PCDH10: variants seen among roughly 807,000 people sequenced by gnomAD.
PCDH10 encodes the protein protocadherin-10.
Under a neutral mutation model 74.4 loss-of-function variants are expected in PCDH10, and 15 were observed. That is an observed-to-expected ratio of 0.20 (90% CI 0.13 to 0.31). The LOEUF (loss-of-function observed/expected upper bound fraction) is 0.31. Ranked by LOEUF, PCDH10 falls within the 10% of genes least tolerant of loss-of-function variation. The probability of loss-of-function intolerance (pLI) is 1.00; values close to 1 mark genes in which losing one functional copy is unlikely to be tolerated. For synonymous variants in PCDH10, 619 were observed against 589.8 expected (o/e 1.05, Z -0.72); for missense variants, 1,260 against 1,390.2 (o/e 0.91, Z 1.49).
At position 133,150,811 on chromosome 4, in the gene PCDH10, T is replaced by C. The variant is rs1726657002; in HGVS notation, c.671T>C (p.Leu224Pro). 4 of 1,581,496 alleles carry C rather than the reference T, an allele frequency of 2.5e-6. No homozygotes were observed. Among genetic ancestry groups the C allele is most frequent in the African/African-American group, 1.3e-5 (1 of 74,378 alleles). The change falls in exon 1 of 5, where the codon CTG (leucine) becomes CCG (proline). Residue 224 changes from leucine (L) to proline (P), a missense_variant. Coordinates refer to ENST00000264360, the MANE Select transcript of PCDH10 (RefSeq NM_032961.3). ...GGGGGAGGTGGCGGGGGAGCAGGCCTGCCCCCCCAGCAGCAGCGCACCGGC... is the reference window on the plus strand; with the variant it reads ...GGGGGAGGTGGCGGGGGAGCAGGCCCGCCCCCCCAGCAGCAGCGCACCGGC... ...EGGGGGGGAG[L>P]PPQQQRTGTA...
chr4:133,188,035 C>T (rs1247168776), intron 4 of PCDH10, among the ~76,000 whole-genome samples: 1 of 152,016 alleles, frequency 6.6e-6, no homozygotes, highest in Admixed American at 6.6e-5. Context: ...TCCTGAGTTT[C>T]TTTTGTTCTT....
At chr4:133,205,894 G>A (rs139480751) in intron 2 of PCDH10, among the ~76,000 whole-genome samples, 3 of 152,116 alleles carry the variant, frequency 2.0e-5, no homozygotes, top group South Asian at 4.1e-4. Context: ...ATTGATGACA[G>A]TTTATTTTTC....
chr4:133,207,728 A>C (rs1728037002), intron 2 of PCDH10, among the ~76,000 whole-genome samples: 1 of 152,192 alleles, frequency 6.6e-6, no homozygotes, highest in Non-Finnish European at 1.5e-5. Flanking sequence ...AAGACTGCAG[A>C]ATTTGTGTAG....
intron 2 of PCDH10, among the ~76,000 whole-genome samples, chr4:133,203,062 C>A (rs1038909372): frequency 6.6e-6 from 1 of 152,044 alleles, no homozygotes; most frequent in African/African-American, 2.4e-5. Flanking sequence ...GACATAATGG[C>A]CAGCTTGGTA....
chr4:133,207,248 CT>C (rs1207185664), intron 2 of PCDH10, among the ~76,000 whole-genome samples: 1 of 151,936 alleles, frequency 6.6e-6, no homozygotes, highest in Non-Finnish European at 1.5e-5. Context: ...CTCAATATCC[CT>C]TTTTGGTCAT....
intron 4 of PCDH10, among the ~76,000 whole-genome samples, chr4:133,176,346 A>T (rs1727295544): frequency 6.6e-6 from 1 of 152,018 alleles, no homozygotes; most frequent in Non-Finnish European, 1.5e-5. Context: ...CCTTTTCCCC[A>T]TCTGTGACAT....
chr4:133,188,458 C>T (rs1008569224), intron 4 of PCDH10, among the ~76,000 whole-genome samples: 2 of 151,780 alleles, frequency 1.3e-5, no homozygotes, highest in African/African-American at 4.8e-5. Context: ...ATAATAATTC[C>T]GTTTACTTGT....
intron 4 of PCDH10, among the ~76,000 whole-genome samples, chr4:133,165,661 A>G (rs1252299441): frequency 6.6e-6 from 1 of 151,792 alleles, no homozygotes; most frequent in Non-Finnish European, 1.5e-5. Flanking sequence ...TTCATAATGA[A>G]TATAATGTAC....
At chr4:133,155,630 C>T (rs932744169) in intron 3 of PCDH10, among the ~76,000 whole-genome samples, 3 of 152,024 alleles carry the variant, frequency 2.0e-5, no homozygotes, top group African/African-American at 7.2e-5. Context: ...TTGAAGTGTC[C>T]TTGGTTTCTT....
Position 133,149,876 on chromosome 4 carries a change from A to C in PCDH10, c.-265A>C. On this transcript the variant is annotated 5_prime_UTR_variant, in exon 1 of 5. Transcript: ENST00000264360. Reference sequence around the variant, plus strand: ...CTATTGTATTATTGTTATTTTATTAATTAGTCAGTGGAAAGATTACAGATG... The same window carrying C: ...CTATTGTATTATTGTTATTTTATTACTTAGTCAGTGGAAAGATTACAGATG... 2.8e-6 allele frequency: 1 copy of C among 352,226 alleles called. No individual in the cohort carries two copies. Among genetic ancestry groups the C allele is most frequent in the South Asian group, 9.5e-5 (1 of 10,534 alleles). 21.8% of individuals were successfully genotyped at this position (352,226 alleles called of 1,614,324 possible). A position where few individuals can be genotyped will look rare whatever the true frequency, so the allele number is the denominator to read the frequency against.
chr4:133,188,451 A>C (rs1639527992), intron 4 of PCDH10, among the ~76,000 whole-genome samples: 1 of 152,160 alleles, frequency 6.6e-6, no homozygotes, highest in Non-Finnish European at 1.5e-5. Flanking sequence ...TATTAAAATA[A>C]TAATTCCGTT....
At chr4:133,190,056 T>C (rs1727626759) in intron 4 of PCDH10, 85 bp from the exon 5 acceptor site, 1 of 1,151,500 alleles carries the variant, frequency 8.7e-7, no homozygotes, top group Non-Finnish European at 1.3e-6. Flanking sequence ...TTTCTAACTG[T>C]ATTCTTTCTT....
At chr4:133,155,105 T>A in intron 3 of PCDH10, 82 bp downstream of exon 3, 1 of 919,586 alleles carries the variant, frequency 1.1e-6, no homozygotes, top group Non-Finnish European at 1.8e-6. Flanking sequence ...GATGATGTCC[T>A]AGGCAATTTT....
chr4:133,184,824 A>G (rs942732607), intron 4 of PCDH10, among the ~76,000 whole-genome samples: 1 of 145,524 alleles, frequency 6.9e-6, no homozygotes, highest in Admixed American at 7.0e-5. Context: ...ATATTTACAC[A>G]TGAGAACTAC....
chr4:133,201,051 A>G (rs1278571267), intron 2 of PCDH10, among the ~76,000 whole-genome samples: 1 of 152,124 alleles, frequency 6.6e-6, no homozygotes, highest in Non-Finnish European at 1.5e-5. Flanking sequence ...ATTCCTCTTA[A>G]TGACATGTTA....
chr4:133,150,741 C>T lies in PCDH10; in HGVS notation c.601C>T (p.Leu201=), dbSNP rs1366209040. 6.2e-7 allele frequency: 1 copy of T among 1,605,426 alleles called. No homozygotes were observed. The highest frequency in any genetic ancestry group is 2.2e-5 in the East Asian group (1 of 44,454). ...GCAGCAAGCGGTGCACCGCTACGTG[C>T]TGACCGCGGTGGACGGAGGAGGTGG... is the stretch of plus-strand genomic sequence containing the variant. The part of the protein sequence containing the change: ...REQQAVHRYV[L]TAVDGGGGGG... The change falls in exon 1 of 5, where the codon CTG becomes TTG. Residue 201 remains leucine (L), a synonymous_variant. Coordinates refer to ENST00000264360, the MANE Select transcript of PCDH10 (RefSeq NM_032961.3).
intron 4 of PCDH10, among the ~76,000 whole-genome samples, chr4:133,176,091 A>G (rs961073376): frequency 6.6e-6 from 1 of 152,094 alleles, no homozygotes; most frequent in Non-Finnish European, 1.5e-5. Flanking sequence ...TTTTGACTTT[A>G]TTATAACTTG....
At chr4:133,164,162 A>G (rs959308863) in intron 4 of PCDH10, 5 of 332,930 alleles carry the variant, frequency 1.5e-5, no homozygotes, top group African/African-American at 1.1e-4. Flanking sequence ...CCAAAAAATC[A>G]TTTGTTTTGC....
chr4:133,162,254 TAC>T (rs1726983866), intron 3 of PCDH10, among the ~76,000 whole-genome samples: 1 of 152,208 alleles, frequency 6.6e-6, no homozygotes, highest in African/African-American at 2.4e-5. Context: ...TTTCATTAAT[TAC>T]AGTCATTTGT....
Sources: gnomAD v4.1 joint callset for allele counts (sites outside exome capture counted in the v4.1 genomes callset) on GRCh38, gnomAD v4.1.1 for gene constraint, MANE v1.5 for transcripts, NCBI Gene and HGNC (gene_info 2026-07-23, HGNC 2026-07-21) for gene names.